Variants in PRMT2 observed in about 807,000 individuals in gnomAD.
The protein encoded by PRMT2 is protein arginine N-methyltransferase 2.
A neutral mutation model predicts 57.6 loss-of-function variants in PRMT2; 26 were observed. That is an observed-to-expected ratio of 0.45 (90% confidence interval 0.33 to 0.63). The LOEUF is 0.63. Among genes scored for constraint, PRMT2 ranks in the 20% least tolerant of loss-of-function variants. The probability of loss-of-function intolerance (pLI) is 0.02; values close to 1 mark genes in which losing one functional copy is unlikely to be tolerated. For synonymous variants in PRMT2, 219 were observed against 220.0 expected (o/e 1.00, Z 0.04); for missense variants, 472 against 564.4 (o/e 0.84, Z 1.66).
At chr21:46,661,201 C>T (rs570537518) in intron 9 of PRMT2, 13 of 331,440 alleles carry the variant, frequency 3.9e-5, no homozygotes, top group Non-Finnish European at 3.2e-5. Flanking sequence ...ATGTCTCCAG[C>T]GTCTTCATTT....
Position 46,663,388 on chromosome 21 carries a change from C to T in PRMT2, c.1103C>T (p.Thr368Ile). The T allele has an allele frequency of 6.2e-7, 1 of 1,611,652 alleles. No individual in the cohort carries two copies. The highest frequency in any genetic ancestry group is 1.1e-5 in the South Asian group (1 of 90,942). ...VLSTGPFHPTTHWKQTLFMMD... is the reference protein window; with the variant it reads ...VLSTGPFHPTIHWKQTLFMMD... ...CACGCACCCCTGTCTTGCAGCACCA[C>T]ACACTGGAAGCAGACGCTGTTCATG... is the stretch of plus-strand genomic sequence containing the variant. Residue 368 changes from threonine to isoleucine, a missense_variant, in exon 11 of 12, where the codon ACA becomes ATA. By Grantham distance (89) the Thr-to-Ile change is moderately conservative (BLOSUM62 -1). This residue lies in a region of PRMT2 where 229 missense variants were observed against 217.2 expected (regional missense o/e 1.05). Coordinates refer to ENST00000355680, the MANE Select transcript of PRMT2 (RefSeq NM_206962.4).
At chr21:46,653,230 G>A (rs1279881789) in intron 7 of PRMT2, 1 of 985,230 alleles carries the variant, frequency 1.0e-6, no homozygotes, top group African/African-American at 1.7e-5. Context: ...TCTTCACACA[G>A]CCTTGTACTG....
At chr21:46,663,290 C>T (rs558035451) in intron 10 of PRMT2, 93 bp from the exon 11 acceptor site, 10 of 1,300,088 alleles carry the variant, frequency 7.7e-6, no homozygotes, top group South Asian at 1.5e-5. Flanking sequence ...CTGTTGGGGG[C>T]GAGAGCCAGT....
At position 46,658,820 on chromosome 21, in the gene PRMT2, A is replaced by G; in HGVS notation, c.730A>G (p.Met244Val). The change falls in exon 8 of 12, where the codon ATG (methionine) becomes GTG (valine). Residue 244 changes from methionine to valine, a missense_variant. Transcript: ENST00000355680. ...LKEDGVIWPTMAALHLVPCSA... is the reference protein window; with the variant it reads ...LKEDGVIWPTVAALHLVPCSA... ...GGAGGACGGGGTCATTTGGCCCACC[A>G]TGGCTGCGTTGCACCTTGTGCCCTG... 3 of 1,614,240 alleles carry G rather than the reference A, an allele frequency of 1.9e-6. No homozygotes were observed. The highest frequency in any genetic ancestry group is 1.7e-5 in the Admixed American group (1 of 60,026).
intron 3 of PRMT2, 139 bp from the exon 4 acceptor site, chr21:46,643,393 AGAT>A (rs2061311369): frequency 7.8e-7 from 1 of 1,277,586 alleles, no homozygotes; most frequent in East Asian, 3.0e-5. Context: ...ATAGTAGTAA[AGAT>A]GATCCAAATA....
intron 7 of PRMT2, chr21:46,657,386 A>AAAC (rs1555935801): frequency 1.3e-5 from 2 of 150,528 alleles, no homozygotes; most frequent in African/African-American, 4.9e-5. Context: ...CAAAAAAAAA[A>AAAC]AAAACAAAAC....
At chr21:46,639,232 G>T (rs1006402613) in intron 3 of PRMT2, among the ~76,000 whole-genome samples, 1 of 152,050 alleles carries the variant, frequency 6.6e-6, no homozygotes, top group Non-Finnish European at 1.5e-5. Context: ...TCAGTCTTTT[G>T]AAATTTATTC....
intron 1 of PRMT2, chr21:46,636,059 C>T (rs146881312): frequency 1.0e-3 from 156 of 153,226 alleles, no homozygotes; most frequent in Middle Eastern, 6.7e-3. Flanking sequence ...CGCGGCCACG[C>T]CCACCTGCCT....
chr21:46,662,321 C>T (rs556262629), intron 10 of PRMT2, among the ~76,000 whole-genome samples: 75 of 152,348 alleles, frequency 4.9e-4, no homozygotes, highest in African/African-American at 1.7e-3. Context: ...TTTTGGGACA[C>T]ATTTCCCCGC....
Position 46,649,428 on chromosome 21 carries a change from G to A in PRMT2, c.490-147G>A, listed in dbSNP as rs1310231815. The A allele has an allele frequency of 3.1e-6, 4 of 1,290,382 alleles. No individual in the cohort carries two copies. Among genetic ancestry groups the A allele is most frequent in the Admixed American group, 1.8e-5 (1 of 54,972 alleles). The allele number at this position is 1,290,382 out of a possible 1,614,324, so 79.9% of individuals were successfully genotyped here. On this transcript the variant is annotated intron_variant, in intron 6 of 11. Coordinates refer to ENST00000355680, the MANE Select transcript of PRMT2 (RefSeq NM_206962.4). The surrounding 1 kb of genome is among the most constrained non-coding windows in gnomAD (Gnocchi z 4.8). ...GGGTGCCCCTGGAGGGGCAGGTGTG[G>A]CCAGTCCTCGCTGCCTCTGCTGTCT...
chr21:46,655,945 A>T (rs934111119), intron 7 of PRMT2, among the ~76,000 whole-genome samples: 4 of 152,182 alleles, frequency 2.6e-5, no homozygotes, highest in Non-Finnish European at 4.4e-5. Flanking sequence ...TCATTATGAA[A>T]TGTATATGGA....
chr21:46,644,887 A>G (rs2061336771), intron 5 of PRMT2, among the ~76,000 whole-genome samples: 1 of 152,118 alleles, frequency 6.6e-6, no homozygotes, highest in Admixed American at 6.6e-5. Context: ...TTGAGCAATG[A>G]GATTATGTGC....
Position 46,648,391 on chromosome 21 carries a change from A to G in PRMT2, c.328-67A>G, listed in dbSNP as rs2061396331. 1 of 1,563,910 alleles carries G rather than the reference A, an allele frequency of 6.4e-7. No homozygotes were observed. Among genetic ancestry groups the G allele is most frequent in the Non-Finnish European group, 8.7e-7 (1 of 1,145,534 alleles). On this transcript the variant is annotated intron_variant, in intron 5 of 11. Coordinates refer to ENST00000355680, the MANE Select transcript of PRMT2 (RefSeq NM_206962.4). This position sits in a 1 kb window ranked among gnomAD's most constrained non-coding sequence, Gnocchi z 4.8. ...TCATCAGCTGTGGCTCTGACCCTCC[A>G]TCTCAGTCCAGACCTCAGCATGGCT... is the stretch of plus-strand genomic sequence containing the variant.
In PRMT2 at chr21:46,661,737, C is replaced by A. The variant is rs1380979084; in HGVS notation, c.961-63C>A. 3 of 1,272,156 alleles carry A rather than the reference C, an allele frequency of 2.4e-6. No individual in the cohort carries two copies. The African/African-American group carries it at 4.7e-5, about 20-fold the overall frequency. 78.8% of individuals were successfully genotyped at this position (1,272,156 alleles called of 1,614,324 possible). ...GCGCGGGGCGCGTGGAGGGGGCCGC[C>A]CCAACCCGGGCCCTGCGGTGCCACG... On this transcript the variant is annotated intron_variant, in intron 9 of 11. Transcript: ENST00000355680.
At chr21:46,659,072 G>C in intron 8 of PRMT2, 152 bp downstream of exon 8, 1 of 1,430,584 alleles carries the variant, frequency 7.0e-7, no homozygotes. Flanking sequence ...TAGCATTGGA[G>C]TAATTAAAGC....
At chr21:46,642,276 AC>A (rs771108796) in intron 3 of PRMT2, among the ~76,000 whole-genome samples, 10 of 152,218 alleles carry the variant, frequency 6.6e-5, no homozygotes, top group Non-Finnish European at 1.3e-4. Context: ...AATAGTAAAA[AC>A]TGAAAAGTCT....
Position 46,661,835 on chromosome 21 carries a change from G to T in PRMT2, c.996G>T (p.Lys332Asn). Residue 332 changes from lysine (K) to asparagine (N), a missense_variant, in exon 10 of 12, where the codon AAG becomes AAT. Coordinates refer to ENST00000355680, the MANE Select transcript of PRMT2 (RefSeq NM_206962.4). ...GCGAGCTGCGCTTCGACATCAGGAAGGCGGGGACCCTGCACGGCTTCACGG... is the reference window on the plus strand; with the variant it reads ...GCGAGCTGCGCTTCGACATCAGGAATGCGGGGACCCTGCACGGCTTCACGG... ...LRGELRFDIR[K>N]AGTLHGFTAW... The T allele has an allele frequency of 6.6e-7, 1 of 1,505,004 alleles. No individual in the cohort carries two copies. 93.2% of individuals were successfully genotyped at this position (1,505,004 alleles called of 1,614,324 possible). A position where few individuals can be genotyped will look rare whatever the true frequency, so the allele number is the denominator to read the frequency against.
Position 46,648,448 on chromosome 21 carries a change from T to A in PRMT2, c.328-10T>A, listed in dbSNP as rs1417758958. 2 of 1,613,646 alleles carry A rather than the reference T, an allele frequency of 1.2e-6. No homozygotes were observed. The highest frequency in any genetic ancestry group is 3.3e-5 in the Admixed American group (2 of 59,992). ...CACAGGCAGTGATTCTGAATGTGCA[T>A]TTCTTCCAGAAACTCCACTTGGAGA... On this transcript the variant is annotated splice_polypyrimidine_tract_variant and intron_variant, in intron 5 of 11. Coordinates refer to ENST00000355680, the MANE Select transcript of PRMT2 (RefSeq NM_206962.4). This position sits in a 1 kb window ranked among gnomAD's most constrained non-coding sequence, Gnocchi z 4.8.
chr21:46,656,213 G>A lies in PRMT2; in HGVS notation c.655-2532G>A, dbSNP rs776061815. On this transcript the variant is annotated intron_variant, in intron 7 of 11. Coordinates refer to ENST00000355680, the MANE Select transcript of PRMT2 (RefSeq NM_206962.4). ...TGCTCCCACCCTGTGGTCTCTGCAC[G>A]TGCCAGCTCCCCTTTGCTTTCCACC... 3.9e-5 allele frequency among the ~76,000 whole-genome samples: 6 copies of A among 152,154 alleles called. 1 individual carries two copies. The highest frequency in any genetic ancestry group is 4.1e-4 in the South Asian group (2 of 4,834).
Sources: allele counts gnomAD v4.1 joint callset (sites outside exome capture counted in the v4.1 genomes callset), GRCh38; gene constraint gnomAD v4.1.1; regional missense constraint gnomAD v4.1.1; non-coding constraint Gnocchi (gnomAD v3.1); transcripts MANE v1.5; gene names NCBI Gene and HGNC (gene_info 2026-07-23, HGNC 2026-07-21).